The following ATXN2 variants were observed in gnomAD, a reference collection of about 807,000 sequenced individuals.
ATXN2 encodes ataxin 2.
In ATXN2, 37 loss-of-function variants were observed where a neutral mutation model predicts 138.6. The ratio of observed to expected loss-of-function variants is 0.27; its 90% CI spans 0.21 to 0.35. ATXN2 has a LOEUF of 0.35. ATXN2 is among the 10% of genes least tolerant of loss of function. The pLI is 1.00. For missense variants in ATXN2, 1,216 were observed against 1,480.3 expected (o/e 0.82, Z 2.93); for synonymous variants, 549 against 543.7 (o/e 1.01, Z -0.13).
At chr12:111,497,849 T>C (rs956508475) in intron 14 of ATXN2, among the ~76,000 whole-genome samples, 3 of 151,810 alleles carry the variant, frequency 2.0e-5, no homozygotes, top group African/African-American at 7.3e-5. Context: ...ACCCCGTCTC[T>C]ACTAAAAATA....
intron 21 of ATXN2, among the ~76,000 whole-genome samples, chr12:111,462,705 ATTAAGGACC>A (rs1379659283): frequency 1.3e-5 from 2 of 152,020 alleles, no homozygotes; most frequent in Non-Finnish European, 2.9e-5. Context: ...GGTGTTAATG[ATTAAGGACC>A]TTAGCTACTT....
chr12:111,581,805 A>G, intron 1 of ATXN2: 1 of 487,836 alleles, frequency 2.0e-6, no homozygotes, highest in Non-Finnish European at 3.9e-6. Flanking sequence ...CTAGGCCAGG[A>G]GCTCTGCCCG....
At chr12:111,504,571 T>C (rs932232044) in intron 14 of ATXN2, among the ~76,000 whole-genome samples, 1 of 152,122 alleles carries the variant, frequency 6.6e-6, no homozygotes, top group Non-Finnish European at 1.5e-5. Flanking sequence ...ATTACAGGCG[T>C]TGAGAGCCAC....
At chr12:111,537,595 GA>G (rs75118403) in intron 5 of ATXN2, among the ~76,000 whole-genome samples, 10 of 133,538 alleles carry the variant, frequency 7.5e-5, no homozygotes, top group African/African-American at 2.0e-4. Context: ...AAAAAAAAAA[GA>G]AAAAAAAAGG....
At position 111,598,973 on chromosome 12, in the gene ATXN2, TGCTGTTGCTGCTGCTGCTGC is replaced by T. The variant is rs762802395; in HGVS notation, c.42_61del (p.Gln15AlafsTer68). Reference sequence around the variant, plus strand: ...CGGCTGCTGCTGCTGCTGCTGCTGCTGCTGTTGCTGCTGCTGCTGCTGCTGCTGCTGCTGCTGCTGCTGCT... The same window carrying T: ...CGGCTGCTGCTGCTGCTGCTGCTGCTTGCTGCTGCTGCTGCTGCTGCTGCT... On this transcript the variant is annotated frameshift_variant, in exon 1 of 25. Coordinates refer to ENST00000673436, the MANE Select transcript of ATXN2 (RefSeq NM_001372574.1). LOFTEE classifies it high-confidence loss of function. This position sits in a 1 kb window ranked among gnomAD's most constrained non-coding sequence, Gnocchi z 4.5. 13 of 1,495,410 alleles carry T rather than the reference TGCTGTTGCTGCTGCTGCTGC, an allele frequency of 8.7e-6. No individual in the cohort carries two copies. The highest frequency in any genetic ancestry group is 7.6e-5 in the African/African-American group (5 of 65,572). The allele number at this position is 1,495,410 out of a possible 1,614,324, so 92.6% of individuals were successfully genotyped here.
At chr12:111,553,926 G>A (rs375960009) in intron 3 of ATXN2, among the ~76,000 whole-genome samples, 1 of 151,926 alleles carries the variant, frequency 6.6e-6, no homozygotes, top group Non-Finnish European at 1.5e-5. Flanking sequence ...TTTGATCCAA[G>A]GTTGGCTGAA....
At chr12:111,520,780 ATTGT>A (rs1287809933) in intron 7 of ATXN2, 98 bp downstream of exon 7, 3 of 640,832 alleles carry the variant, frequency 4.7e-6, no homozygotes, top group East Asian at 3.2e-5. Flanking sequence ...ATTTCATGTA[ATTGT>A]TTAACTTAAA....
In ATXN2 at chr12:111,520,129, T is replaced by C. The variant is rs1880076424; in HGVS notation, c.789-53A>G. 10 of 1,579,386 alleles carry C rather than the reference T, an allele frequency of 6.3e-6. 1 individual carries two copies. Among genetic ancestry groups the C allele is most frequent in the South Asian group, 5.6e-5 (5 of 88,858 alleles). On this transcript the variant is annotated intron_variant, in intron 7 of 24. Coordinates refer to ENST00000673436, the MANE Select transcript of ATXN2 (RefSeq NM_001372574.1). Reference sequence around the variant, plus strand: ...ATGAGTCCTTTAAAGCCACAGTTTATGTATCTGTCATAATCAACTACTAAG... The same window carrying C: ...ATGAGTCCTTTAAAGCCACAGTTTACGTATCTGTCATAATCAACTACTAAG...
intron 23 of ATXN2, chr12:111,454,350 A>C (rs1436544022): frequency 1.3e-5 from 2 of 152,946 alleles, no homozygotes; most frequent in Admixed American, 1.3e-4. Context: ...ACCTCTGTTC[A>C]TTTGCCTCTC....
chr12:111,564,250 G>T (rs1423348209), intron 1 of ATXN2, among the ~76,000 whole-genome samples: 1 of 151,556 alleles, frequency 6.6e-6, no homozygotes, highest in Non-Finnish European at 1.5e-5. Context: ...ATTAGCAGAG[G>T]AATCATGCCT....
At chr12:111,536,780 T>G (rs1371894378) in intron 5 of ATXN2, among the ~76,000 whole-genome samples, 2 of 143,452 alleles carry the variant, frequency 1.4e-5, no homozygotes, top group Admixed American at 6.9e-5. Context: ...ACACGCAGTT[T>G]TTTTTTTTTT....
At position 111,598,022 on chromosome 12, in the gene ATXN2, G is replaced by C. The variant is rs1478530952; in HGVS notation, c.251+762C>G. On this transcript the variant is annotated intron_variant, in intron 1 of 24. Transcript: ENST00000673436. This position sits in a 1 kb window ranked among gnomAD's most constrained non-coding sequence, Gnocchi z 4.5. ...GCGGGGGAAGGAGGAAGGCCGGGACGGGGCCGGGCACTCCCCACCCCTTCC... is the reference window on the plus strand; with the variant it reads ...GCGGGGGAAGGAGGAAGGCCGGGACCGGGCCGGGCACTCCCCACCCCTTCC... 1.0e-5 allele frequency: 12 copies of C among 1,190,850 alleles called. No homozygotes were observed. The highest frequency in any genetic ancestry group is 5.9e-5 in the East Asian group (1 of 17,030). 73.8% of individuals were successfully genotyped at this position (1,190,850 alleles called of 1,614,324 possible).
chr12:111,513,282 A>T, intron 11 of ATXN2, 75 bp downstream of exon 11: 1 of 1,497,236 alleles, frequency 6.7e-7, no homozygotes. Flanking sequence ...CCTCAAACAG[A>T]GTTGTAGCTC....
At position 111,525,280 on chromosome 12, in the gene ATXN2, T is replaced by C. The variant is rs1182301729; in HGVS notation, c.608A>G (p.Asn203Ser). The change falls in exon 6 of 25, where the codon AAT becomes AGT. Residue 203 changes from asparagine (N) to serine (S), a missense_variant. Around this residue, in one of 4 missense-constraint regions of ATXN2, gnomAD observed 401 missense variants for 528.1 expected, o/e 0.76. Transcript: ENST00000673436. Reference sequence around the variant, plus strand: ...CAGGTCCTTCTCTTTGTGTTCGCCATTCACTTTAGCACTGATAGCAGAGTC... The same window carrying C: ...CAGGTCCTTCTCTTTGTGTTCGCCACTCACTTTAGCACTGATAGCAGAGTC... Reference protein sequence around the residue: ...FTDSAISAKVNGEHKEKDLEP... With the variant: ...FTDSAISAKVSGEHKEKDLEP... 1.2e-6 allele frequency: 2 copies of C among 1,613,460 alleles called. No individual in the cohort carries two copies. Among genetic ancestry groups the C allele is most frequent in the African/African-American group, 1.3e-5 (1 of 74,924 alleles).
chr12:111,486,672 A>C, intron 16 of ATXN2, 89 bp downstream of exon 16: 2 of 1,138,938 alleles, frequency 1.8e-6, no homozygotes, highest in Non-Finnish European at 2.6e-6. Flanking sequence ...CTAAAACAAA[A>C]TTCAGATGGC....
intron 13 of ATXN2, 131 bp downstream of exon 13, chr12:111,509,760 T>C: frequency 1.1e-6 from 1 of 948,986 alleles, no homozygotes. Flanking sequence ...TTTTGGAATT[T>C]GTCAAGCAAT....
At chr12:111,479,019 A>C (rs566564426) in intron 18 of ATXN2, 6 of 324,692 alleles carry the variant, frequency 1.8e-5, no homozygotes, top group Non-Finnish European at 2.8e-5. Flanking sequence ...AAAAAAAATA[A>C]ATAAATAAAA....
intron 5 of ATXN2, among the ~76,000 whole-genome samples, chr12:111,549,484 C>T (rs1882006714): frequency 6.6e-6 from 1 of 151,086 alleles, no homozygotes; most frequent in Non-Finnish European, 1.5e-5. Flanking sequence ...TGCAGTGAGC[C>T]GAGATCGCAC....
At position 111,470,162 on chromosome 12, in the gene ATXN2, C is replaced by G; in HGVS notation, c.2788G>C (p.Val930Leu). The G allele has an allele frequency of 6.2e-7, 1 of 1,614,136 alleles. No homozygotes were observed. Among genetic ancestry groups the G allele is most frequent in the South Asian group, 1.1e-5 (1 of 91,084 alleles). The change falls in exon 20 of 25, where the codon GTA becomes CTA. Residue 930 changes from valine (V) to leucine (L), a missense_variant. By Grantham distance (32) the Val-to-Leu change is conservative. Around this residue, in one of 4 missense-constraint regions of ATXN2, gnomAD observed 490 missense variants for 653.5 expected, o/e 0.75. Transcript: ENST00000673436. ...CCGTACTGAGTTGCTGAAGAAGATA[C>G]TAAACCAGGCTGGGCGTGTGTTGGT... ...APPTHAQPGL[V>L]SSSATQYGAH...
Sources: allele counts gnomAD v4.1 joint callset (sites outside exome capture counted in the v4.1 genomes callset), GRCh38; gene constraint gnomAD v4.1.1; regional missense constraint gnomAD v4.1.1; non-coding constraint Gnocchi (gnomAD v3.1); transcripts MANE v1.5; gene names NCBI Gene and HGNC (gene_info 2026-07-23, HGNC 2026-07-21).